Variants in COX10 observed in about 807,000 individuals in gnomAD.
COX10 encodes the protein cytochrome c oxidase assembly factor heme A:farnesyltransferase COX10, also known as protoheme IX farnesyltransferase, mitochondrial.
In COX10, 27 loss-of-function variants were observed where a neutral mutation model predicts 37.3. That is an observed-to-expected ratio of 0.72 (90% confidence interval 0.53 to 1.00). The LOEUF (loss-of-function observed/expected upper bound fraction) is 1.00. Ranked by LOEUF, COX10 falls within the 50% of genes least tolerant of loss-of-function variation. The pLI, the probability that COX10 is intolerant of heterozygous loss-of-function variation, is 0.00. For synonymous variants in COX10, 222 were observed against 229.1 expected (o/e 0.97, Z 0.28); for missense variants, 475 against 563.2 (o/e 0.84, Z 1.59).
intron 4 of COX10, among the ~76,000 whole-genome samples, chr17:14,124,783 A>C (rs1017895262): frequency 6.6e-6 from 1 of 152,094 alleles, no homozygotes; most frequent in African/African-American, 2.4e-5. Flanking sequence ...TCCTTCCCCT[A>C]TAAGATGGAC....
chr17:14,088,287 A>T (rs910236189), intron 3 of COX10, among the ~76,000 whole-genome samples: 1 of 152,116 alleles, frequency 6.6e-6, no homozygotes, highest in Non-Finnish European at 1.5e-5. Flanking sequence ...GCTATATTTA[A>T]CAAACGCTTC....
At position 14,206,918 on chromosome 17, in the gene COX10, C is replaced by T. The variant is rs1906720241; in HGVS notation, c.1037C>T (p.Ser346Leu). 5 of 1,613,814 alleles carry T rather than the reference C, an allele frequency of 3.1e-6. No individual in the cohort carries two copies. Among genetic ancestry groups the T allele is most frequent in the Non-Finnish European group, 4.2e-6 (5 of 1,179,892 alleles). Residue 346 changes from serine to leucine, a missense_variant, in exon 7 of 7, where the codon TCG becomes TTG. By Grantham distance (145) the Ser-to-Leu change is moderately radical. Transcript: ENST00000261643. ...DYSRGGYCMMSVTHPGLCRRV... is the reference protein window; with the variant it reads ...DYSRGGYCMMLVTHPGLCRRV... ...TCCCGGGGCGGCTACTGCATGATGT[C>T]GGTCACCCACCCGGGCCTGTGCCGG...
chr17:14,091,759 G>C (rs530639408), intron 3 of COX10, among the ~76,000 whole-genome samples: 1 of 152,070 alleles, frequency 6.6e-6, no homozygotes. Flanking sequence ...CATCAAAGTC[G>C]GAACGATACT....
intron 3 of COX10, among the ~76,000 whole-genome samples, chr17:14,080,226 T>TC (rs1438170671): frequency 6.9e-6 from 1 of 145,732 alleles, no homozygotes; most frequent in Non-Finnish European, 1.5e-5. Flanking sequence ...TTTCTTTTTT[T>TC]TTTTTTTTTT....
At chr17:14,204,219 G>A (rs1057367768) in intron 6 of COX10, among the ~76,000 whole-genome samples, 17 of 152,220 alleles carry the variant, frequency 1.1e-4, no homozygotes, top group African/African-American at 3.9e-4. Context: ...CCTGGACCCT[G>A]TGGCTTGCTC....
chr17:14,087,233 T>A (rs1310457881), intron 3 of COX10, among the ~76,000 whole-genome samples: 1 of 152,218 alleles, frequency 6.6e-6, no homozygotes. Flanking sequence ...GGGTCTGTGG[T>A]AAATCTTTTT....
chr17:14,194,931 A>G (rs960487087), intron 6 of COX10, among the ~76,000 whole-genome samples: 9 of 152,328 alleles, frequency 5.9e-5, no homozygotes, highest in African/African-American at 1.9e-4. Context: ...AAAGACATGT[A>G]TAACCACAAA....
chr17:14,083,885 G>A (rs1915353533), intron 3 of COX10, among the ~76,000 whole-genome samples: 1 of 152,124 alleles, frequency 6.6e-6, no homozygotes, highest in Non-Finnish European at 1.5e-5. Context: ...ACTTAATATA[G>A]GTCAGTAAAA....
chr17:14,092,030 T>C (rs1245019591), intron 3 of COX10, among the ~76,000 whole-genome samples: 4 of 152,136 alleles, frequency 2.6e-5, no homozygotes, highest in Non-Finnish European at 5.9e-5. Flanking sequence ...TTTTTGGTTA[T>C]TGAGTATATG....
chr17:14,099,484 G>T (rs1263101894), intron 3 of COX10, among the ~76,000 whole-genome samples: 1 of 151,974 alleles, frequency 6.6e-6, no homozygotes, highest in African/African-American at 2.4e-5. Flanking sequence ...TTATTAGGAG[G>T]AACTACCAGT....
intron 6 of COX10, 68 bp from the exon 7 acceptor site, chr17:14,206,742 A>G: frequency 1.3e-6 from 2 of 1,599,716 alleles, no homozygotes; most frequent in Non-Finnish European, 1.7e-6. Context: ...CAGGAGAGGA[A>G]ACCATTCTTT....
rs1211494284 is a variant in COX10, at chr17:14,207,212, G to C, written c.1331G>C (p.Ter444SerextTer45). 3.1e-6 allele frequency: 5 copies of C among 1,589,322 alleles called. No individual in the cohort carries two copies. The highest frequency in any genetic ancestry group is 4.3e-6 in the Non-Finnish European group (5 of 1,171,174). Residue 444 changes from the stop codon to serine (S), a stop_lost, in exon 7 of 7, where the codon TGA becomes TCA. Coordinates refer to ENST00000261643, the MANE Select transcript of COX10 (RefSeq NM_001303.4). ...GGGDAGPPPS[*>S] ...GGGGACGCAGGGCCCCCTCCCAGCT[G>C]AGAGCACTGGGACGCCCACCGCCCC...
intron 5 of COX10, among the ~76,000 whole-genome samples, chr17:14,169,906 G>T (rs1242544515): frequency 6.6e-6 from 1 of 152,144 alleles, no homozygotes; most frequent in Non-Finnish European, 1.5e-5. Flanking sequence ...GAATGGCTTG[G>T]TGCTGTTGTC....
At chr17:14,107,105 G>A (rs1344892407) in intron 4 of COX10, among the ~76,000 whole-genome samples, 4 of 152,006 alleles carry the variant, frequency 2.6e-5, no homozygotes, top group African/African-American at 4.8e-5. Flanking sequence ...GGACACTGAC[G>A]GCACTCCCCC....
At chr17:14,127,159 A>G (rs906206761) in intron 4 of COX10, among the ~76,000 whole-genome samples, 3 of 152,202 alleles carry the variant, frequency 2.0e-5, no homozygotes, top group African/African-American at 7.2e-5. Flanking sequence ...AAGGAAAGGC[A>G]TAAAGAAACT....
chr17:14,159,786 G>A, intron 4 of COX10, 91 bp from the exon 5 acceptor site: 3 of 957,324 alleles, frequency 3.1e-6, no homozygotes, highest in Non-Finnish European at 4.9e-6. Flanking sequence ...TTAAAATGAA[G>A]TTTACTACAG....
intron 5 of COX10, 91 bp from the exon 6 acceptor site, chr17:14,191,898 G>C: frequency 7.1e-7 from 1 of 1,400,272 alleles, no homozygotes; most frequent in South Asian, 1.2e-5. Flanking sequence ...CTGGATAGGT[G>C]GATTATTTGT....
chr17:14,106,385 G>A (rs1346292077), intron 4 of COX10, among the ~76,000 whole-genome samples: 1 of 152,052 alleles, frequency 6.6e-6, no homozygotes, highest in Non-Finnish European at 1.5e-5. Flanking sequence ...CTCCTTATTC[G>A]ACATTTTAGG....
chr17:14,182,028 T>G, intron 5 of COX10: 1 of 983,900 alleles, frequency 1.0e-6, no homozygotes. Flanking sequence ...CAGGCAATCT[T>G]TCTTCTCATC....
Sources: allele counts gnomAD v4.1 joint callset (sites outside exome capture counted in the v4.1 genomes callset), GRCh38; gene constraint gnomAD v4.1.1; transcripts MANE v1.5; gene names NCBI Gene and HGNC (gene_info 2026-07-23, HGNC 2026-07-21).